The following LMOD2 variants were observed in gnomAD, a reference collection of about 807,000 sequenced individuals.
LMOD2 encodes leiomodin 2.
In LMOD2, 27 loss-of-function variants were observed where a neutral mutation model predicts 41.7. The ratio of observed to expected loss-of-function variants is 0.65; its 90% CI spans 0.48 to 0.89. LMOD2 has a LOEUF of 0.89. LMOD2 is among the 40% of genes least tolerant of loss of function. LMOD2 has a pLI of 0.00. For synonymous variants in LMOD2, 251 were observed against 244.6 expected (o/e 1.03, Z -0.25); for missense variants, 624 against 667.9 (o/e 0.93, Z 0.72).
intron 1 of LMOD2, among the ~76,000 whole-genome samples, chr7:123,658,363 G>A (rs1025691454): frequency 6.6e-6 from 1 of 152,182 alleles, no homozygotes; most frequent in African/African-American, 2.4e-5. Context: ...GAAAATCTTC[G>A]AGCAGCTGTT....
chr7:123,660,539 T>C (rs1802861089), intron 1 of LMOD2, among the ~76,000 whole-genome samples: 1 of 151,706 alleles, frequency 6.6e-6, no homozygotes, highest in Non-Finnish European at 1.5e-5. Context: ...AAGGGCAGTG[T>C]TTTCCAAAGC....
At position 123,662,191 on chromosome 7, in the gene LMOD2, C is replaced by T. The variant is rs747234801; in HGVS notation, c.605C>T (p.Ala202Val). The T allele has an allele frequency of 2.5e-6, 4 of 1,613,960 alleles. No individual in the cohort carries two copies. Among genetic ancestry groups the T allele is most frequent in the Non-Finnish European group, 3.4e-6 (4 of 1,179,890 alleles). The change falls in exon 2 of 3, where the codon GCT becomes GTT. Residue 202 changes from alanine to valine, a missense_variant. By Grantham distance (64) the Ala-to-Val change is moderately conservative. Coordinates refer to ENST00000458573, the MANE Select transcript of LMOD2 (RefSeq NM_207163.3). This position sits in a 1 kb window ranked among gnomAD's most constrained non-coding sequence, Gnocchi z 4.0. ...GGAAATCCTACAGTGATTGAGGACGCTTTGGACAAGATTAAAAGCAATGAC... is the reference window on the plus strand; with the variant it reads ...GGAAATCCTACAGTGATTGAGGACGTTTTGGACAAGATTAAAAGCAATGAC... ...PCGNPTVIED[A>V]LDKIKSNDPD...
At chr7:123,657,274 T>C (rs191087155) in intron 1 of LMOD2, among the ~76,000 whole-genome samples, 1 of 152,070 alleles carries the variant, frequency 6.6e-6, no homozygotes, top group South Asian at 2.1e-4. Flanking sequence ...TGGAAGAACA[T>C]AGGTCAGGAG....
rs1802912966 is a variant in LMOD2, at chr7:123,662,988, A to T, written c.1402A>T (p.Ser468Cys). 6.4e-7 allele frequency: 1 copy of T among 1,553,126 alleles called. No individual in the cohort carries two copies. The highest frequency in any genetic ancestry group is 1.4e-5 in the African/African-American group (1 of 73,074). ...NIAEVIKQQESAQRALQNGQK... is the reference protein window; with the variant it reads ...NIAEVIKQQECAQRALQNGQK... ...TGCAGAAGTCATCAAACAACAGGAG[A>T]GTGCCCAACGGGCATTACAAAATGG... The change falls in exon 2 of 3, where the codon AGT becomes TGT. Residue 468 changes from serine (S) to cysteine (C), a missense_variant. By Grantham distance (112) the Ser-to-Cys change is moderately radical. Transcript: ENST00000458573. The surrounding 1 kb of genome is among the most constrained non-coding windows in gnomAD (Gnocchi z 4.0).
rs949397395 is a variant in LMOD2, at chr7:123,664,179, T to C, written c.*434T>C. ...TCGATAAATGTGTATTGAAGTTTTTTCCCTTTTTTTAAAAAGCCAAACTAA... is the reference window on the plus strand; with the variant it reads ...TCGATAAATGTGTATTGAAGTTTTTCCCCTTTTTTTAAAAAGCCAAACTAA... On this transcript the variant is annotated 3_prime_UTR_variant, in exon 3 of 3. Transcript: ENST00000458573. 2 of 157,804 alleles carry C rather than the reference T, an allele frequency of 1.3e-5. No homozygotes were observed. Among genetic ancestry groups the C allele is most frequent in the South Asian group, 4.0e-4 (2 of 5,044 alleles). 9.8% of individuals were successfully genotyped at this position (157,804 alleles called of 1,614,324 possible). A position where few individuals can be genotyped will look rare whatever the true frequency, so the allele number is the denominator to read the frequency against.
chr7:123,659,148 C>T (rs1802836553), intron 1 of LMOD2, among the ~76,000 whole-genome samples: 1 of 152,166 alleles, frequency 6.6e-6, no homozygotes, highest in Admixed American at 6.6e-5. Context: ...GGAGAAACAA[C>T]CGGCCACTCT....
intron 1 of LMOD2, 114 bp downstream of exon 1, chr7:123,656,350 C>T (rs774315259): frequency 9.1e-6 from 10 of 1,097,790 alleles, no homozygotes; most frequent in Admixed American, 5.7e-5. Flanking sequence ...TTTCCTATAA[C>T]CCATTTATAC....
chr7:123,662,985 G>A lies in LMOD2; in HGVS notation c.1399G>A (p.Glu467Lys), dbSNP rs1802912792. 1 of 1,552,706 alleles carries A rather than the reference G, an allele frequency of 6.4e-7. No homozygotes were observed. Among genetic ancestry groups the A allele is most frequent in the Non-Finnish European group, 8.7e-7 (1 of 1,147,758 alleles). The change falls in exon 2 of 3, where the codon GAG becomes AAG. Residue 467 changes from glutamate to lysine, a missense_variant. Physicochemically the swap from Glu to Lys is moderately conservative, Grantham distance 56. Transcript: ENST00000458573. This position sits in a 1 kb window ranked among gnomAD's most constrained non-coding sequence, Gnocchi z 4.0. ...RNIAEVIKQQ[E>K]SAQRALQNGQ... ...CATTGCAGAAGTCATCAAACAACAG[G>A]AGAGTGCCCAACGGGCATTACAAAA...
In LMOD2 at chr7:123,664,010, T is replaced by A. The variant is rs2116740444; in HGVS notation, c.*265T>A. On this transcript the variant is annotated 3_prime_UTR_variant, in exon 3 of 3. Transcript: ENST00000458573. ...ATGCTCTTCCTATCTGTGGATGTGTTGGTAACTCCGAGTTGTAATGAGTTC... is the reference window on the plus strand; with the variant it reads ...ATGCTCTTCCTATCTGTGGATGTGTAGGTAACTCCGAGTTGTAATGAGTTC... 1 of 426,054 alleles carries A rather than the reference T, an allele frequency of 2.3e-6. No individual in the cohort carries two copies. Among genetic ancestry groups the A allele is most frequent in the Non-Finnish European group, 4.2e-6 (1 of 240,606 alleles). The allele number at this position is 426,054 out of a possible 1,614,324, so 26.4% of individuals were successfully genotyped here.
At chr7:123,657,812 A>C (rs1238997271) in intron 1 of LMOD2, among the ~76,000 whole-genome samples, 14 of 93,878 alleles carry the variant, frequency 1.5e-4, no homozygotes, top group Admixed American at 8.7e-4. Context: ...TCATCTCTAC[A>C]AAAAAAAAAA....
intron 1 of LMOD2, among the ~76,000 whole-genome samples, chr7:123,660,128 T>C (rs1474692705): frequency 6.6e-6 from 1 of 152,128 alleles, no homozygotes; most frequent in East Asian, 1.9e-4. Context: ...CCCACAATTC[T>C]TTCCTTCCTC....
In LMOD2 at chr7:123,662,671, A is replaced by G. The variant is rs1420070470; in HGVS notation, c.1085A>G (p.Glu362Gly). Residue 362 changes from glutamate to glycine, a missense_variant, in exon 2 of 3, where the codon GAG becomes GGG. Physicochemically the swap from Glu to Gly is moderately conservative, Grantham distance 98. Transcript: ENST00000458573. This position sits in a 1 kb window ranked among gnomAD's most constrained non-coding sequence, Gnocchi z 4.0. ...AAACAGAGGCAAAAACGTTTGCAGG[A>G]GCAAAAACAGCAGGAGGGATACGAT... ...MDKQRQKRLQEQKQQEGYDGG... is the reference protein window; with the variant it reads ...MDKQRQKRLQGQKQQEGYDGG... 1 of 1,614,028 alleles carries G rather than the reference A, an allele frequency of 6.2e-7. No homozygotes were observed. The highest frequency in any genetic ancestry group is 8.5e-7 in the Non-Finnish European group (1 of 1,179,904).
Position 123,662,769 on chromosome 7 carries a change from C to A in LMOD2, c.1183C>A (p.His395Asn). The A allele has an allele frequency of 6.2e-7, 1 of 1,613,920 alleles. No homozygotes were observed. Among genetic ancestry groups the A allele is most frequent in the South Asian group, 1.1e-5 (1 of 91,078 alleles). ...PSSSPYVSPR[H>N]SPWSSPKLPK... Reference sequence around the variant, plus strand: ...CTCTTCACCTTATGTATCTCCCAGGCACTCACCCTGGTCATCCCCAAAACT... The same window carrying A: ...CTCTTCACCTTATGTATCTCCCAGGAACTCACCCTGGTCATCCCCAAAACT... Residue 395 changes from histidine (H) to asparagine (N), a missense_variant, in exon 2 of 3, where the codon CAC (histidine) becomes AAC (asparagine). Transcript: ENST00000458573. This position sits in a 1 kb window ranked among gnomAD's most constrained non-coding sequence, Gnocchi z 4.0.
Position 123,662,912 on chromosome 7 carries a change from TCCTCCTCCC to T in LMOD2, c.1335_1343del (p.Pro446_Pro448del), listed in dbSNP as rs746809365. 5.8e-4 allele frequency: 742 copies of T among 1,277,880 alleles called. No individual in the cohort carries two copies. Among genetic ancestry groups the T allele is most frequent in the Non-Finnish European group, 7.1e-4 (691 of 974,042 alleles). The allele number at this position is 1,277,880 out of a possible 1,614,324, so 79.2% of individuals were successfully genotyped here. On this transcript the variant is annotated inframe_deletion, in exon 2 of 3. Transcript: ENST00000458573. The surrounding 1 kb of genome is among the most constrained non-coding windows in gnomAD (Gnocchi z 4.0). ...CTTCCCAAAGGCTGCCACCACCTCC[TCCTCCTCCC>T]CCTCCTCCACTCCCAGAGAAAAAGC...
At chr7:123,659,907 C>G (rs1802846235) in intron 1 of LMOD2, among the ~76,000 whole-genome samples, 1 of 152,128 alleles carries the variant, frequency 6.6e-6, no homozygotes, top group Admixed American at 6.5e-5. Flanking sequence ...GAAAACAGAT[C>G]TTGCAGATAG....
At chr7:123,663,373 A>G in intron 2 of LMOD2, 170 bp downstream of exon 2, 1 of 847,696 alleles carries the variant, frequency 1.2e-6, no homozygotes, top group Non-Finnish European at 1.8e-6. Context: ...CACACAAGTG[A>G]GCACATTTCT....
Position 123,656,082 on chromosome 7 carries a change from T to C in LMOD2, c.119T>C (p.Ile40Thr), listed in dbSNP as rs1474005425. 4 of 1,612,026 alleles carry C rather than the reference T, an allele frequency of 2.5e-6. No individual in the cohort carries two copies. The highest frequency in any genetic ancestry group is 1.7e-5 in the Admixed American group (1 of 59,794). ...LKELERELEDIEPDRNLPVGL... is the reference protein window; with the variant it reads ...LKELERELEDTEPDRNLPVGL... Reference sequence around the variant, plus strand: ...GAGCTAGAGAGAGAGTTGGAAGACATTGAACCTGACCGCAACCTTCCCGTG... The same window carrying C: ...GAGCTAGAGAGAGAGTTGGAAGACACTGAACCTGACCGCAACCTTCCCGTG... Residue 40 changes from isoleucine (I) to threonine (T), a missense_variant, in exon 1 of 3, where the codon ATT becomes ACT. By Grantham distance (89) the Ile-to-Thr change is moderately conservative. Transcript: ENST00000458573.
chr7:123,662,336 G>A lies in LMOD2; in HGVS notation c.750G>A (p.Thr250=), dbSNP rs1212327518. 1.9e-6 allele frequency: 3 copies of A among 1,613,880 alleles called. No homozygotes were observed. Among genetic ancestry groups the A allele is most frequent in the African/African-American group, 1.3e-5 (1 of 74,920 alleles). ...TVVKTFSLAN[T]HADDSAAMAI... ...TGAAGACGTTCAGTCTGGCCAACAC[G>A]CATGCCGACGACAGTGCAGCCATGG... is the stretch of plus-strand genomic sequence containing the variant. The change falls in exon 2 of 3, where the codon ACG becomes ACA. Residue 250 remains threonine, a synonymous_variant. Transcript: ENST00000458573. This position sits in a 1 kb window ranked among gnomAD's most constrained non-coding sequence, Gnocchi z 4.0.
Sources: gnomAD v4.1 joint callset for allele counts (sites outside exome capture counted in the v4.1 genomes callset) on GRCh38, gnomAD v4.1.1 for gene constraint, Gnocchi (gnomAD v3.1) non-coding constraint, MANE v1.5 for transcripts, NCBI Gene and HGNC (gene_info 2026-07-23, HGNC 2026-07-21) for gene names.